Variants in MRPS28 observed in about 807,000 individuals in gnomAD.
The protein encoded by MRPS28 is small ribosomal subunit protein bS1m.
In MRPS28, 7 loss-of-function variants were observed where a neutral mutation model predicts 10.8. The observed-to-expected ratio is 0.65, with a 90% CI of 0.37 to 1.22. MRPS28 has a LOEUF of 1.22. MRPS28 is among the 50% of genes most tolerant of loss of function. The probability of loss-of-function intolerance (pLI) is 0.02; values close to 1 mark genes in which losing one functional copy is unlikely to be tolerated. For missense variants in MRPS28, 265 were observed against 232.9 expected, an observed-to-expected ratio of 1.14 and a Z score of -0.90; for synonymous variants, 121 against 93.3, an observed-to-expected ratio of 1.30 and a Z score of -1.71.
chr8:79,977,470 A>T (rs1807832798), intron 2 of MRPS28, among the ~76,000 whole-genome samples: 1 of 152,190 alleles, frequency 6.6e-6, no homozygotes, highest in Non-Finnish European at 1.5e-5. Flanking sequence ...AAATGAAGAG[A>T]CCAACAGAAT....
At chr8:79,946,121 A>G (rs1490317380) in intron 2 of MRPS28, among the ~76,000 whole-genome samples, 1 of 152,146 alleles carries the variant, frequency 6.6e-6, no homozygotes, top group Non-Finnish European at 1.5e-5. Context: ...TCCATATAAA[A>G]TACCAATTCC....
intron 2 of MRPS28, among the ~76,000 whole-genome samples, chr8:79,932,173 A>G (rs905250960): frequency 2.0e-5 from 3 of 152,206 alleles, no homozygotes; most frequent in African/African-American, 7.2e-5. Flanking sequence ...GAAGAAAGAA[A>G]GGGTTCCAGT....
intron 2 of MRPS28, among the ~76,000 whole-genome samples, chr8:79,973,270 G>GA (rs777219849): frequency 6.6e-6 from 1 of 151,444 alleles, no homozygotes; most frequent in Non-Finnish European, 1.5e-5. Flanking sequence ...CACAGTGAAA[G>GA]AGAGAGAGAG....
intron 2 of MRPS28, among the ~76,000 whole-genome samples, chr8:79,925,955 C>A (rs1301585079): frequency 1.0e-4 from 15 of 147,150 alleles, no homozygotes; most frequent in Non-Finnish European, 1.9e-4. Flanking sequence ...CCACTACACT[C>A]AGGCCTGGGT....
At chr8:79,987,043 A>C (rs1020971746) in intron 2 of MRPS28, among the ~76,000 whole-genome samples, 13 of 151,772 alleles carry the variant, frequency 8.6e-5, no homozygotes, top group Admixed American at 3.3e-4. Flanking sequence ...AGGCTACAGT[A>C]ACCAAAACAG....
At chr8:79,982,424 T>G (rs973142356) in intron 2 of MRPS28, among the ~76,000 whole-genome samples, 2 of 152,204 alleles carry the variant, frequency 1.3e-5, no homozygotes, top group African/African-American at 4.8e-5. Flanking sequence ...AGGACAGTGG[T>G]TGCAGCGCAC....
chr8:80,004,955 G>A (rs1563540044), intron 1 of MRPS28, among the ~76,000 whole-genome samples: 3 of 152,156 alleles, frequency 2.0e-5, no homozygotes, highest in Non-Finnish European at 2.9e-5. Context: ...AAAAAGAAAT[G>A]AACAAAGCCT....
At chr8:79,982,023 G>A (rs1017945610) in intron 2 of MRPS28, among the ~76,000 whole-genome samples, 1 of 152,190 alleles carries the variant, frequency 6.6e-6, no homozygotes, top group Admixed American at 6.5e-5. Flanking sequence ...AAGGCAGGTG[G>A]ATCACTTGAG....
At chr8:80,002,872 C>T (rs1808700516) in intron 2 of MRPS28, 127 bp downstream of exon 2, 2 of 786,456 alleles carry the variant, frequency 2.5e-6, no homozygotes, top group African/African-American at 1.8e-5. Context: ...GACTTTACTG[C>T]AGCATTATCA....
intron 1 of MRPS28, among the ~76,000 whole-genome samples, chr8:80,004,930 T>A (rs1230229159): frequency 6.6e-6 from 1 of 152,042 alleles, no homozygotes; most frequent in Non-Finnish European, 1.5e-5. Flanking sequence ...AAGAGAAGTT[T>A]AGAGGAAGAA....
chr8:79,988,224 A>G (rs1586080019), intron 2 of MRPS28, among the ~76,000 whole-genome samples: 1 of 139,058 alleles, frequency 7.2e-6, no homozygotes, highest in African/African-American at 2.7e-5. Context: ...TTGAACAATG[A>G]GAACACATGG....
At chr8:79,973,285 T>A (rs893243659) in intron 2 of MRPS28, among the ~76,000 whole-genome samples, 14 of 151,328 alleles carry the variant, frequency 9.3e-5, no homozygotes, top group Middle Eastern at 3.4e-3. Flanking sequence ...AGAGAGAGAG[T>A]GTGTGTGTGT....
chr8:79,988,699 A>T (rs1808268219), intron 2 of MRPS28, among the ~76,000 whole-genome samples: 2 of 152,236 alleles, frequency 1.3e-5, no homozygotes, highest in African/African-American at 2.4e-5. Context: ...TTTTTAAAAC[A>T]GACAGCTCCA....
chr8:79,963,013 T>C (rs1392914305), intron 2 of MRPS28, among the ~76,000 whole-genome samples: 3 of 152,068 alleles, frequency 2.0e-5, no homozygotes, highest in African/African-American at 7.2e-5. Context: ...TGGAAGAGCA[T>C]GGCAATGAAA....
At chr8:79,985,761 C>A (rs1016388245) in intron 2 of MRPS28, among the ~76,000 whole-genome samples, 17 of 152,178 alleles carry the variant, frequency 1.1e-4, no homozygotes, top group East Asian at 5.8e-4. Context: ...CAATAACAGG[C>A]TCTGAAATTG....
At chr8:79,978,098 A>T (rs1807850533) in intron 2 of MRPS28, among the ~76,000 whole-genome samples, 1 of 152,172 alleles carries the variant, frequency 6.6e-6, no homozygotes, top group South Asian at 2.1e-4. Context: ...GAAAGACAAT[A>T]TAAGAACAGT....
chr8:79,920,189 A>T (rs1427939320), intron 2 of MRPS28, among the ~76,000 whole-genome samples: 1 of 151,972 alleles, frequency 6.6e-6, no homozygotes, highest in Admixed American at 6.5e-5. Context: ...CTAGTCTATC[A>T]TTGTTGGACA....
At chr8:79,993,295 A>T (rs1655821940) in intron 2 of MRPS28, among the ~76,000 whole-genome samples, 2 of 152,126 alleles carry the variant, frequency 1.3e-5, no homozygotes, top group South Asian at 4.1e-4. Context: ...TTTGACCTTC[A>T]CAGTCCTGAG....
chr8:79,947,213 AC>A (rs1475978848), intron 2 of MRPS28, among the ~76,000 whole-genome samples: 1 of 152,160 alleles, frequency 6.6e-6, no homozygotes, highest in Non-Finnish European at 1.5e-5. Flanking sequence ...AAGATAAAAC[AC>A]CTTAAAATAA....
Sources: gnomAD v4.1 joint callset for allele counts (sites outside exome capture counted in the v4.1 genomes callset) on GRCh38, gnomAD v4.1.1 for gene constraint, MANE v1.5 for transcripts, NCBI Gene and HGNC (gene_info 2026-07-23, HGNC 2026-07-21) for gene names.